Variants in XPC observed in about 807,000 individuals in gnomAD.
XPC encodes the protein XPC complex subunit, DNA damage recognition and repair factor, also known as DNA repair protein complementing XP-C cells.
Under a neutral mutation model 95.8 loss-of-function variants are expected in XPC, and 76 were observed. That is an observed-to-expected ratio of 0.79 (90% CI 0.66 to 0.96). The LOEUF (loss-of-function observed/expected upper bound fraction) is 0.96. XPC is among the 40% of genes least tolerant of loss of function. XPC has a pLI of 0.00. For synonymous variants in XPC, 442 were observed against 442.1 expected (o/e 1.00, Z 0.00); for missense variants, 1,146 against 1,179.8 (o/e 0.97, Z 0.42).
intron 2 of XPC, among the ~76,000 whole-genome samples, chr3:14,172,193 A>G (rs1696642353): frequency 1.3e-5 from 2 of 152,196 alleles, no homozygotes; most frequent in Admixed American, 6.5e-5. Context: ...AGGGCCTGCA[A>G]TGGATGCTAC....
Position 14,177,800 on chromosome 3 carries a change from G to C in XPC, c.103+666C>G, listed in dbSNP as rs1439583284. On this transcript the variant is annotated intron_variant, in intron 1 of 15. Transcript: ENST00000285021. ...AGTCACTCAACTGAAAGGTGATGAT[G>C]ACTTGGACAGGGGCTGTGGTCATGG... Among the ~76,000 whole-genome samples the C allele has an allele frequency of 3.3e-5, 5 of 151,972 alleles. No homozygotes were observed. In the East Asian group the frequency reaches 9.7e-4, roughly 29 times the overall value.
In XPC at chr3:14,145,359, G is replaced by A. The variant is rs1328283955; in HGVS notation, c.*582C>T. ...TTCTGTCACCACAAAATGTTACTTG[G>A]AAAACTAGATCCCAGCAGATGACCT... On this transcript the variant is annotated 3_prime_UTR_variant, in exon 16 of 16. Transcript: ENST00000285021. 1.4e-6 allele frequency: 1 copy of A among 699,528 alleles called. No individual in the cohort carries two copies. The allele number at this position is 699,528 out of a possible 1,614,324, so 43.3% of individuals were successfully genotyped here. A position where few individuals can be genotyped will look rare whatever the true frequency, so the allele number is the denominator to read the frequency against.
At chr3:14,163,160 T>TA (rs1264878683) in intron 7 of XPC, among the ~76,000 whole-genome samples, 1 of 152,184 alleles carries the variant, frequency 6.6e-6, no homozygotes, top group Non-Finnish European at 1.5e-5. Flanking sequence ...GGTGGCAATG[T>TA]AAAATGGTAC....
At chr3:14,161,522 T>C (rs571858387) in intron 7 of XPC, among the ~76,000 whole-genome samples, 1 of 144,890 alleles carries the variant, frequency 6.9e-6, no homozygotes, top group African/African-American at 2.7e-5. Flanking sequence ...CATAAGAAAA[T>C]CAATCAATTA....
chr3:14,164,884 C>T lies in XPC; in HGVS notation c.829G>A (p.Asp277Asn), dbSNP rs1696311904. Residue 277 changes from aspartate (D) to asparagine (N), a missense_variant, in exon 7 of 16, where the codon GAT (aspartate) becomes AAT (asparagine). Asp to Asn is a conservative substitution (Grantham distance 23). Transcript: ENST00000285021. ...CTTTCCAATGTAGTCTGCAGGTTAT[C>T]TTGTTCACTGGCTGAAAGTTCTGCA... ...VNAELSASEQ[D>N]NLQTTLERRF... 1 of 1,612,562 alleles carries T rather than the reference C, an allele frequency of 6.2e-7. No homozygotes were observed. The highest frequency in any genetic ancestry group is 8.5e-7 in the Non-Finnish European group (1 of 1,179,338).
At position 14,158,628 on chromosome 3, in the gene XPC, C is replaced by A; in HGVS notation, c.1255G>T (p.Gly419Cys). Residue 419 changes from glycine (G) to cysteine (C), a missense_variant, in exon 9 of 16, where the codon GGC (glycine) becomes TGC (cysteine). By Grantham distance (159) the Gly-to-Cys change is radical. Transcript: ENST00000285021. The surrounding 1 kb of genome is among the most constrained non-coding windows in gnomAD (Gnocchi z 5.2). ...CTGGAGGCCACCCGCCGCTCCCGGC[C>A]ATGCGGACGTCGCTGGGTTGCCTTC... ...QEKATQRRPH[G>C]RERRVASRVS... is the part of the protein sequence containing the mutation. 6.2e-7 allele frequency: 1 copy of A among 1,613,898 alleles called. No homozygotes were observed. The highest frequency in any genetic ancestry group is 1.3e-5 in the African/African-American group (1 of 75,032).
chr3:14,165,628 C>T (rs766823200), intron 5 of XPC, 43 bp from the exon 6 acceptor site: 12 of 1,603,940 alleles, frequency 7.5e-6, no homozygotes, highest in East Asian at 2.2e-5. Context: ...GAAGGAAGGC[C>T]GGACACCAGG....
At position 14,147,282 on chromosome 3, in the gene XPC, G is replaced by A. The variant is rs377049016; in HGVS notation, c.2604+8C>T. 5.0e-6 allele frequency: 8 copies of A among 1,605,292 alleles called. No homozygotes were observed. Among genetic ancestry groups the A allele is most frequent in the Non-Finnish European group, 6.0e-6 (7 of 1,176,050 alleles). ...AGCTTGTCTTCTCTGCAAAGAACCTGCACTGACCTTGGGCCCGTAGCGACG... is the reference window on the plus strand; with the variant it reads ...AGCTTGTCTTCTCTGCAAAGAACCTACACTGACCTTGGGCCCGTAGCGACG... On this transcript the variant is annotated splice_region_variant and intron_variant, in intron 15 of 15. Transcript: ENST00000285021.
intron 13 of XPC, 135 bp from the exon 14 acceptor site, chr3:14,148,136 T>C (rs1443161663): frequency 1.8e-5 from 13 of 712,820 alleles, no homozygotes; most frequent in East Asian, 2.8e-5. Flanking sequence ...TCAGCCAGTG[T>C]CCCACATCCT....
intron 11 of XPC, 121 bp from the exon 12 acceptor site, chr3:14,149,069 A>C: frequency 7.2e-7 from 1 of 1,386,106 alleles, no homozygotes. Flanking sequence ...CACACCTACC[A>C]GCTGGGGTGC....
In XPC at chr3:14,158,401, G is replaced by C. The variant is rs1696016907; in HGVS notation, c.1482C>G (p.Asp494Glu). ...TTGAGGATGCCGCTGGCAAGCTTGG[G>C]TCCTTACGATGGCTCCCACGATGGG... ...SRTHRGSHRK[D>E]PSLPAASSSS... The change falls in exon 9 of 16, where the codon GAC (aspartate) becomes GAG (glutamate). Residue 494 changes from aspartate to glutamate, a missense_variant. By Grantham distance (45) the Asp-to-Glu change is conservative (BLOSUM62 2). Transcript: ENST00000285021. The surrounding 1 kb of genome is among the most constrained non-coding windows in gnomAD (Gnocchi z 5.2). 2 of 1,613,720 alleles carry C rather than the reference G, an allele frequency of 1.2e-6. No homozygotes were observed. The highest frequency in any genetic ancestry group is 1.7e-5 in the Admixed American group (1 of 59,996).
rs757975214 is a variant in XPC, at chr3:14,145,854, A to G, written c.*87T>C. 10 of 1,503,440 alleles carry G rather than the reference A, an allele frequency of 6.7e-6. No individual in the cohort carries two copies. The African/African-American group carries it at 9.7e-5, about 15-fold the overall frequency. 93.1% of individuals were successfully genotyped at this position (1,503,440 alleles called of 1,614,324 possible). ...CCTTCTCAGCAGAGAAGCCCCCACC[A>G]CCAGGGGCTGGGCATGCCCAGGGCA... is the stretch of plus-strand genomic sequence containing the variant. On this transcript the variant is annotated 3_prime_UTR_variant, in exon 16 of 16. Transcript: ENST00000285021.
Sources: allele counts gnomAD v4.1 joint callset (sites outside exome capture counted in the v4.1 genomes callset), GRCh38; gene constraint gnomAD v4.1.1; non-coding constraint Gnocchi (gnomAD v3.1); transcripts MANE v1.5; gene names NCBI Gene and HGNC (gene_info 2026-07-23, HGNC 2026-07-21).